KCNJ15: variants seen among roughly 807,000 people sequenced by gnomAD.
KCNJ15 encodes the protein ATP-sensitive inward rectifier potassium channel 15.
KCNJ15 carries 14 observed loss-of-function variants against 23.0 expected under a neutral mutation model. That is an observed-to-expected ratio of 0.61 (90% CI 0.40 to 0.95). The LOEUF (loss-of-function observed/expected upper bound fraction) is 0.95, where lower values mean the gene tolerates loss of function less well. KCNJ15 is among the 40% of genes least tolerant of loss of function. The pLI is 0.00. For missense variants in KCNJ15, 388 were observed against 461.8 expected (o/e 0.84, Z 1.46); for synonymous variants, 185 against 183.2 (o/e 1.01, Z -0.08).
Position 38,307,320 on chromosome 21 carries a change from C to T in KCNJ15, c.*6931C>T. On this transcript the variant is annotated 3_prime_UTR_variant, in exon 3 of 3. Transcript: ENST00000398938. The stretch of plus-strand genomic sequence containing the variant: ...AATGGAATTACTGTAACTTGTGAAA[C>T]AATGGCAAACACTATAAAGCTAATT... 1 of 151,974 alleles carries T rather than the reference C, an allele frequency of 6.6e-6. No homozygotes were observed. 9.4% of individuals were successfully genotyped at this position (151,974 alleles called of 1,614,324 possible). A position where few individuals can be genotyped will look rare whatever the true frequency, so the allele number is the denominator to read the frequency against.
Position 38,262,754 on chromosome 21 carries a change from C to T in KCNJ15, c.-117+5569C>T, listed in dbSNP as rs183846440. Among the ~76,000 whole-genome samples the T allele has an allele frequency of 4.0e-5, 6 of 151,794 alleles. No homozygotes were observed. The East Asian group carries it at 1.2e-3, about 29-fold the overall frequency. ...GGTGCAGTGATGTGATCTTGGTTCA[C>T]TGCAACCTCCACCTCCCGGGTTCAA... On this transcript the variant is annotated intron_variant, in intron 1 of 2. Transcript: ENST00000398938.
chr21:38,277,998 G>A (rs984685473), intron 1 of KCNJ15, among the ~76,000 whole-genome samples: 1 of 152,140 alleles, frequency 6.6e-6, no homozygotes, highest in African/African-American at 2.4e-5. Context: ...GAACTTCTAG[G>A]GAACACTGAC....
At chr21:38,233,688 A>G (rs934456096) in intron 1 of KCNJ15, among the ~76,000 whole-genome samples, 1 of 152,174 alleles carries the variant, frequency 6.6e-6, no homozygotes. Context: ...AGGGAATATC[A>G]TCACTAATTT....
In KCNJ15 at chr21:38,302,945, A is replaced by G. The variant is rs908734549; in HGVS notation, c.*2556A>G. On this transcript the variant is annotated 3_prime_UTR_variant, in exon 3 of 3. Transcript: ENST00000398938. ...TTAGATAATATTGAAATCACAGTCT[A>G]TTAAAATTGGAAATTTAATTCAAAT... 1 of 152,224 alleles carries G rather than the reference A, an allele frequency of 6.6e-6. No homozygotes were observed. The highest frequency in any genetic ancestry group is 6.5e-5 in the Admixed American group (1 of 15,282). The allele number at this position is 152,224 out of a possible 1,614,324, so 9.4% of individuals were successfully genotyped here.
At chr21:38,255,349 C>G (rs539526242), upstream of KCNJ15, among the ~76,000 whole-genome samples, 2 of 152,182 alleles carry the variant, frequency 1.3e-5, no homozygotes, top group South Asian at 2.1e-4. Context: ...CCTCTTTCAT[C>G]GTTCTGCACC....
At chr21:38,232,034 G>C (rs1284757334) in intron 1 of KCNJ15, among the ~76,000 whole-genome samples, 1 of 151,262 alleles carries the variant, frequency 6.6e-6, no homozygotes, top group Admixed American at 6.6e-5. Context: ...ATAATCATTT[G>C]AATAAATAAT....
At chr21:38,258,330 C>G (rs944752044) in intron 1 of KCNJ15, among the ~76,000 whole-genome samples, 3 of 152,238 alleles carry the variant, frequency 2.0e-5, no homozygotes, top group African/African-American at 7.2e-5. Flanking sequence ...TAAATATCAT[C>G]ATTTTGTGAA....
intron 1 of KCNJ15, among the ~76,000 whole-genome samples, chr21:38,286,884 G>C (rs1459708432): frequency 2.6e-5 from 4 of 152,170 alleles, no homozygotes; most frequent in Non-Finnish European, 5.9e-5. Context: ...AGCTGCAACT[G>C]TGACTTTGTC....
chr21:38,259,167 T>C (rs1026785261), intron 1 of KCNJ15, among the ~76,000 whole-genome samples: 2 of 152,228 alleles, frequency 1.3e-5, no homozygotes, highest in Admixed American at 1.3e-4. Context: ...ATCTTTGGAA[T>C]ATCCTTTCCT....
In KCNJ15 at chr21:38,303,310, C is replaced by CACTACTTTTTTGACCCACTACTTTT. The variant is rs1206271811; in HGVS notation, c.*2921_*2922insACTACTTTTTTGACCCACTACTTTT. Reference sequence around the variant, plus strand: ...GAGGAGCCAAAGTAGTGGAGTATTCCTGACCCAAAAAGGCTTTTGAATTTT... The same window carrying CACTACTTTTTTGACCCACTACTTTT: ...GAGGAGCCAAAGTAGTGGAGTATTCCACTACTTTTTTGACCCACTACTTTTTGACCCAAAAAGGCTTTTGAATTTT... On this transcript the variant is annotated 3_prime_UTR_variant, in exon 3 of 3. Coordinates refer to ENST00000398938, the MANE Select transcript of KCNJ15 (RefSeq NM_170736.3). The CACTACTTTTTTGACCCACTACTTTT allele has an allele frequency of 6.6e-6, 1 of 151,718 alleles. No homozygotes were observed. Among genetic ancestry groups the CACTACTTTTTTGACCCACTACTTTT allele is most frequent in the East Asian group, 2.0e-4 (1 of 5,128 alleles). 9.4% of individuals were successfully genotyped at this position (151,718 alleles called of 1,614,324 possible). A position where few individuals can be genotyped will look rare whatever the true frequency, so the allele number is the denominator to read the frequency against.
upstream of KCNJ15, among the ~76,000 whole-genome samples, chr21:38,255,812 G>A (rs1465427020): frequency 6.6e-6 from 1 of 152,156 alleles, no homozygotes; most frequent in African/African-American, 2.4e-5. Flanking sequence ...TCTGGGGAGA[G>A]GAAGTATCAT....
intron 1 of KCNJ15, among the ~76,000 whole-genome samples, chr21:38,231,688 G>A (rs902238992): frequency 6.6e-6 from 1 of 151,474 alleles, no homozygotes; most frequent in Non-Finnish European, 1.5e-5. Flanking sequence ...TTTGGATTTT[G>A]TTACATGCTT....
At chr21:38,273,267 C>T (rs866685564) in intron 1 of KCNJ15, among the ~76,000 whole-genome samples, 3 of 152,152 alleles carry the variant, frequency 2.0e-5, no homozygotes, top group Admixed American at 2.0e-4. Flanking sequence ...TCACATTATA[C>T]CTTAATTTTT....
Position 38,303,781 on chromosome 21 carries a change from G to A in KCNJ15, c.*3392G>A, listed in dbSNP as rs1435505082. On this transcript the variant is annotated 3_prime_UTR_variant, in exon 3 of 3. Transcript: ENST00000398938. The stretch of plus-strand genomic sequence containing the variant: ...AATGTAAACAAAGATATATTTTTAA[G>A]GTGGCATTTCTACTCCAGCATGAAA... 29 of 152,078 alleles carry A rather than the reference G, an allele frequency of 1.9e-4. No homozygotes were observed. Among genetic ancestry groups the A allele is most frequent in the Admixed American group, 1.9e-3 (29 of 15,266 alleles). The allele number at this position is 152,078 out of a possible 1,614,324, so 9.4% of individuals were successfully genotyped here. A position where few individuals can be genotyped will look rare whatever the true frequency, so the allele number is the denominator to read the frequency against.
At chr21:38,239,464 T>C (rs1023338454) in intron 1 of KCNJ15, among the ~76,000 whole-genome samples, 3 of 152,230 alleles carry the variant, frequency 2.0e-5, no homozygotes, top group African/African-American at 4.8e-5. Flanking sequence ...GGGGTCCTGA[T>C]TTATTTTTAT....
intron 1 of KCNJ15, among the ~76,000 whole-genome samples, chr21:38,295,334 C>T (rs73426698): frequency 0.093 from 14,121 of 152,158 alleles, 1,851 homozygotes; most frequent in African/African-American, 0.29. Flanking sequence ...CATTGGTCTC[C>T]AACAGTTGTT....
chr21:38,238,202 C>T, intron 1 of KCNJ15: 1 of 479,178 alleles, frequency 2.1e-6, no homozygotes, highest in Non-Finnish European at 4.0e-6. Flanking sequence ...CTACCTTCTG[C>T]CCCAGCCCAA....
At chr21:38,250,395 A>G (rs1022544268) in intron 1 of KCNJ15, among the ~76,000 whole-genome samples, 1 of 152,216 alleles carries the variant, frequency 6.6e-6, no homozygotes, top group African/African-American at 2.4e-5. Flanking sequence ...TTATAGCCTA[A>G]TAATATCACT....
At chr21:38,285,306 A>G (rs1426045362) in intron 1 of KCNJ15, among the ~76,000 whole-genome samples, 1 of 152,180 alleles carries the variant, frequency 6.6e-6, no homozygotes, top group Non-Finnish European at 1.5e-5. Flanking sequence ...GTAATGATTA[A>G]TACTAATCAT....
Sources: allele counts gnomAD v4.1 joint callset (sites outside exome capture counted in the v4.1 genomes callset), GRCh38; gene constraint gnomAD v4.1.1; transcripts MANE v1.5; gene names NCBI Gene and HGNC (gene_info 2026-07-23, HGNC 2026-07-21).